Variants in MAPRE2 observed in about 807,000 individuals in gnomAD.
MAPRE2 encodes the protein microtubule-associated protein RP/EB family member 2.
In MAPRE2, 13 loss-of-function variants were observed where a neutral mutation model predicts 43.2. The observed-to-expected ratio is 0.30, with a 90% CI of 0.20 to 0.48. MAPRE2 has a LOEUF of 0.48. Among genes scored for constraint, MAPRE2 ranks in the 20% least tolerant of loss-of-function variants. The pLI is 0.99. For synonymous variants in MAPRE2, 135 were observed against 148.8 expected, an observed-to-expected ratio of 0.91 and a Z score of 0.68; for missense variants, 161 against 400.2, an observed-to-expected ratio of 0.40 and a Z score of 5.10.
At chr18:35,128,788 C>G (rs1345513237) in intron 5 of MAPRE2, among the ~76,000 whole-genome samples, 1 of 152,186 alleles carries the variant, frequency 6.6e-6, no homozygotes, top group South Asian at 2.1e-4. Context: ...TGACTCCTCC[C>G]TCTCTTCCCC....
At chr18:35,041,362 CA>C (rs1905349557), upstream of MAPRE2, 1 of 1,450,638 alleles carries the variant, frequency 6.9e-7, no homozygotes, top group East Asian at 2.5e-5. Context: ...GCTCTGACGT[CA>C]GCTGCCAGAG....
chr18:35,042,552 A>G (rs943639967), intron 1 of MAPRE2, among the ~76,000 whole-genome samples: 11 of 152,336 alleles, frequency 7.2e-5, no homozygotes, highest in African/African-American at 2.4e-4. Context: ...TTTGATAAGG[A>G]TAACAATGTA....
intron 2 of MAPRE2, among the ~76,000 whole-genome samples, chr18:35,029,827 T>A (rs1418241895): frequency 6.6e-6 from 1 of 152,196 alleles, no homozygotes; most frequent in Non-Finnish European, 1.5e-5. Flanking sequence ...AGGAATTTCA[T>A]AAAATTGGAC....
At chr18:35,106,414 TGACAGAGGG>T (rs2144190623) in intron 4 of MAPRE2, among the ~76,000 whole-genome samples, 1 of 152,214 alleles carries the variant, frequency 6.6e-6, no homozygotes, top group East Asian at 1.9e-4. Context: ...ACATTTTGTA[TGACAGAGGG>T]ACCAGATTAG....
chr18:35,010,189 C>G (rs1603389662), intron 2 of MAPRE2, among the ~76,000 whole-genome samples: 1 of 152,028 alleles, frequency 6.6e-6, no homozygotes, highest in Non-Finnish European at 1.5e-5. Flanking sequence ...GGGTTCAAGA[C>G]CAGCCTGGGC....
Position 35,073,243 on chromosome 18 carries a change from C to G in MAPRE2, c.250+2921C>G, listed in dbSNP as rs150785862. The stretch of plus-strand genomic sequence containing the variant: ...GAAGTTTCCTTGTTCATAATTTAAT[C>G]TGTGACTTTTGTCTTTAGCATTTAG... On this transcript the variant is annotated intron_variant, in intron 2 of 6. Transcript: ENST00000300249. 1.1e-4 allele frequency among the ~76,000 whole-genome samples: 17 copies of G among 152,288 alleles called. No individual in the cohort carries two copies. In the East Asian group the frequency reaches 3.3e-3, roughly 29 times the overall value.
intron 2 of MAPRE2, among the ~76,000 whole-genome samples, chr18:35,077,255 A>G (rs971232698): frequency 2.8e-5 from 3 of 108,198 alleles, no homozygotes; most frequent in Admixed American, 1.0e-4. Flanking sequence ...GCGCGCACAC[A>G]CACACACACA....
chr18:35,114,859 C>T (rs1909341599), intron 4 of MAPRE2, among the ~76,000 whole-genome samples: 1 of 152,190 alleles, frequency 6.6e-6, no homozygotes, highest in Non-Finnish European at 1.5e-5. Flanking sequence ...TCTGATGGAT[C>T]ATTCCTTTTC....
At position 35,079,385 on chromosome 18, in the gene MAPRE2, T is replaced by C. The variant is rs572422986; in HGVS notation, c.250+9063T>C. The stretch of plus-strand genomic sequence containing the variant: ...CAATAAACCTGTATTGCAGTAGCCA[T>C]GCTAAGAGGCTCCATCAGTACTTCT... On this transcript the variant is annotated intron_variant, in intron 2 of 6. Coordinates refer to ENST00000300249, the MANE Select transcript of MAPRE2 (RefSeq NM_014268.4). 6.6e-5 allele frequency among the ~76,000 whole-genome samples: 10 copies of C among 152,350 alleles called. No individual in the cohort carries two copies. The South Asian group carries it at 2.1e-3, about 32-fold the overall frequency.
chr18:35,000,289 G>T (rs1021198638), intron 1 of MAPRE2, among the ~76,000 whole-genome samples: 2 of 152,178 alleles, frequency 1.3e-5, no homozygotes, highest in Non-Finnish European at 2.9e-5. Flanking sequence ...TTGTGAGGAG[G>T]ATGCTTTAAC....
chr18:34,981,887 ATT>A lies in MAPRE2; in HGVS notation c.-70+4822_-70+4823del, dbSNP rs1261290510. Among the ~76,000 whole-genome samples, 7 of 34,782 alleles carry A rather than the reference ATT, an allele frequency of 2.0e-4. 1 individual carries two copies. The highest frequency in any genetic ancestry group is 3.7e-4 in the Non-Finnish European group (4 of 10,736). 22.8% of individuals were successfully genotyped at this position (34,782 alleles called of 152,430 possible). On this transcript the variant is annotated intron_variant, in intron 1 of 7. Transcript: ENST00000413393. ...TTATTTTTTTTTTTTATTTTTATTT[ATT>A]TTTTTTTTTTTTTGAGACGGAGTCT...
At chr18:34,985,586 CTATAATA>C (rs1568962173) in intron 1 of MAPRE2, among the ~76,000 whole-genome samples, 2 of 61,106 alleles carry the variant, frequency 3.3e-5, no homozygotes, top group African/African-American at 1.5e-4. Context: ...AAACTATAAA[CTATAATA>C]TATAACATAT....
At chr18:35,016,907 G>GT (rs1453559988) in intron 2 of MAPRE2, among the ~76,000 whole-genome samples, 7 of 151,490 alleles carry the variant, frequency 4.6e-5, no homozygotes, top group Admixed American at 2.0e-4. Flanking sequence ...GTGTTTCCTA[G>GT]TTTTTTTTCT....
At chr18:34,984,718 C>A (rs2097018138) in intron 1 of MAPRE2, among the ~76,000 whole-genome samples, 1 of 143,928 alleles carries the variant, frequency 6.9e-6, no homozygotes, top group Non-Finnish European at 1.5e-5. Context: ...TTATCATAAT[C>A]TACATTCACA....
chr18:35,131,992 T>C (rs753136881), intron 5 of MAPRE2, 40 bp from the exon 6 acceptor site: 2 of 1,600,672 alleles, frequency 1.2e-6, no homozygotes, highest in Non-Finnish European at 1.7e-6. Context: ...TTATACTATA[T>C]TTTGGGTGGT....
intron 1 of MAPRE2, among the ~76,000 whole-genome samples, chr18:35,066,303 T>C: frequency 6.6e-6 from 1 of 152,236 alleles, no homozygotes; most frequent in Non-Finnish European, 1.5e-5. Flanking sequence ...CCTGCCCTGC[T>C]TTCCTCCCAG....
chr18:35,037,575 T>G (rs2097051214), upstream of MAPRE2, among the ~76,000 whole-genome samples: 1 of 152,198 alleles, frequency 6.6e-6, no homozygotes. Flanking sequence ...ATTTTAGATA[T>G]GCCAGCACAT....
At chr18:34,981,882 T>C (rs9949420) in intron 1 of MAPRE2, among the ~76,000 whole-genome samples, 1 of 142,336 alleles carries the variant, frequency 7.0e-6, no homozygotes, top group Non-Finnish European at 1.5e-5. Flanking sequence ...TTTTTATTTT[T>C]ATTTATTTTT....
intron 1 of MAPRE2, among the ~76,000 whole-genome samples, chr18:35,067,006 T>A (rs1276250962): frequency 6.6e-6 from 1 of 152,248 alleles, no homozygotes; most frequent in Admixed American, 6.5e-5. Context: ...GTTATTTTAT[T>A]TTAGGAAATG....
Sources: allele counts gnomAD v4.1 joint callset (sites outside exome capture counted in the v4.1 genomes callset), GRCh38; gene constraint gnomAD v4.1.1; transcripts MANE v1.5; gene names NCBI Gene and HGNC (gene_info 2026-07-23, HGNC 2026-07-21).